RANBP17: variants seen among roughly 807,000 people sequenced by gnomAD.
RANBP17 encodes the protein RAN binding protein 17.
RANBP17 carries 158 observed loss-of-function variants against 141.2 expected under a neutral mutation model. The ratio of observed to expected loss-of-function variants is 1.12; its 90% CI spans 0.98 to 1.28. The LOEUF (loss-of-function observed/expected upper bound fraction) is 1.28, where lower values mean the gene tolerates loss of function less well. RANBP17 is among the 50% of genes most tolerant of loss of function. The probability of loss-of-function intolerance (pLI) is 0.00; values close to 1 mark genes in which losing one functional copy is unlikely to be tolerated. For synonymous variants in RANBP17, 430 were observed against 450.0 expected (o/e 0.96, Z 0.56); for missense variants, 1,438 against 1,290.7 (o/e 1.11, Z -1.75).
chr5:170,934,816 G>T (rs2127464162), intron 12 of RANBP17, among the ~76,000 whole-genome samples: 1 of 152,238 alleles, frequency 6.6e-6, no homozygotes, highest in Middle Eastern at 3.4e-3. Flanking sequence ...TATCTTTGTG[G>T]CATTCTCTGT....
At chr5:171,084,535 A>C (rs1332305594) in intron 14 of RANBP17, among the ~76,000 whole-genome samples, 1 of 58,434 alleles carries the variant, frequency 1.7e-5, no homozygotes, top group Non-Finnish European at 3.8e-5. Flanking sequence ...AGGAATCGCC[A>C]CACTGACTTG....
At chr5:171,062,243 T>G (rs992240493) in intron 14 of RANBP17, among the ~76,000 whole-genome samples, 1 of 152,218 alleles carries the variant, frequency 6.6e-6, no homozygotes, top group Non-Finnish European at 1.5e-5. Flanking sequence ...TGATGGAGTT[T>G]CTTCCTAGCC....
chr5:170,978,679 G>A (rs1334976041), intron 14 of RANBP17, among the ~76,000 whole-genome samples: 4 of 152,160 alleles, frequency 2.6e-5, no homozygotes. Context: ...GGTGATGGAA[G>A]TCAGAATGGT....
intron 4 of RANBP17, among the ~76,000 whole-genome samples, chr5:170,893,741 G>T (rs6882907): frequency 1 from 151,113 of 151,340 alleles, 75,443 homozygotes; most frequent in Middle Eastern, 1. Flanking sequence ...TGCAGTGAGC[G>T]GAGATTGCGC....
At chr5:170,984,845 A>G (rs1466099163) in intron 14 of RANBP17, among the ~76,000 whole-genome samples, 2 of 152,110 alleles carry the variant, frequency 1.3e-5, no homozygotes, top group African/African-American at 4.8e-5. Flanking sequence ...TATTGATAAC[A>G]ATTTTAAGTA....
chr5:171,133,947 T>C lies in RANBP17; in HGVS notation c.1711-36183T>C, dbSNP rs141525123. The stretch of plus-strand genomic sequence containing the variant: ...TGCCTTTATTTGCACATTTGGATCA[T>C]TTAATGAATTTTGTTCTATGAACAA... On this transcript the variant is annotated intron_variant, in intron 14 of 27. Transcript: ENST00000523189. Among the ~76,000 whole-genome samples, 255 of 152,348 alleles carry C rather than the reference T, an allele frequency of 1.7e-3. 1 individual carries two copies. Among genetic ancestry groups the C allele is most frequent in the Middle Eastern group, 0.01 (3 of 294 alleles).
intron 14 of RANBP17, among the ~76,000 whole-genome samples, chr5:171,038,482 A>G (rs938114958): frequency 6.6e-5 from 10 of 151,906 alleles, no homozygotes; most frequent in African/African-American, 2.4e-4. Flanking sequence ...TTCCAGTACT[A>G]TGTTGAATAG....
At chr5:170,862,685 C>G (rs2127293120) in intron 1 of RANBP17, among the ~76,000 whole-genome samples, 1 of 152,282 alleles carries the variant, frequency 6.6e-6, no homozygotes, top group South Asian at 2.1e-4. Flanking sequence ...GGCGCGGACG[C>G]GAGGATCGCA....
chr5:171,204,180 A>G (rs1288432446), intron 19 of RANBP17, among the ~76,000 whole-genome samples: 3 of 152,208 alleles, frequency 2.0e-5, no homozygotes, highest in Admixed American at 1.3e-4. Context: ...AGAAACAAAA[A>G]TTCAGAGTTT....
intron 14 of RANBP17, among the ~76,000 whole-genome samples, chr5:171,032,718 A>T (rs1781629785): frequency 6.6e-6 from 1 of 152,182 alleles, no homozygotes; most frequent in African/African-American, 2.4e-5. Flanking sequence ...CCATTAGCAC[A>T]GAGAAATTAC....
At chr5:170,977,423 G>C (rs1047416070) in intron 14 of RANBP17, among the ~76,000 whole-genome samples, 1 of 151,986 alleles carries the variant, frequency 6.6e-6, no homozygotes. Flanking sequence ...CAACCAATTT[G>C]AAAAACAGTC....
intron 14 of RANBP17, among the ~76,000 whole-genome samples, chr5:171,163,543 A>T (rs1294044176): frequency 6.6e-6 from 1 of 152,142 alleles, no homozygotes; most frequent in Non-Finnish European, 1.5e-5. Flanking sequence ...GAAGCCTAAA[A>T]CAAAAATATG....
intron 14 of RANBP17, among the ~76,000 whole-genome samples, chr5:171,123,801 C>T (rs1581685030): frequency 1.3e-5 from 2 of 152,346 alleles, no homozygotes; most frequent in East Asian, 3.9e-4. Flanking sequence ...TTGGCTACTG[C>T]ACCCACGCAG....
chr5:171,256,042 G>GCCTC (rs147913872), intron 24 of RANBP17, among the ~76,000 whole-genome samples: 32,134 of 152,008 alleles, frequency 0.21, 3,411 homozygotes, highest in East Asian at 0.28. Context: ...GGGTCTTGTG[G>GCCTC]TAACCATCGG....
chr5:170,893,452 G>A (rs1447874312), intron 4 of RANBP17, among the ~76,000 whole-genome samples: 1 of 151,958 alleles, frequency 6.6e-6, no homozygotes, highest in Non-Finnish European at 1.5e-5. Context: ...TCATACAAAC[G>A]TAATTCCCAA....
rs991086727 is a variant in RANBP17 at position 171,298,835 on chromosome 5, T to C, written c.3244T>C (p.Cys1082Arg). 2.5e-6 allele frequency: 4 copies of C among 1,614,044 alleles called. No homozygotes were observed. Among genetic ancestry groups the C allele is most frequent in the Non-Finnish European group, 3.4e-6 (4 of 1,180,006 alleles). Residue 1082 changes from cysteine to arginine, a missense_variant, in exon 28 of 28, where the codon TGC becomes CGC. Physicochemically the swap from Cys to Arg is radical, Grantham distance 180. Transcript: ENST00000523189. ...GCGCAGTGATGGCAACACTGAACCATGCAGTCTCGACATGATGAGCTGACC... is the reference window on the plus strand; with the variant it reads ...GCGCAGTGATGGCAACACTGAACCACGCAGTCTCGACATGATGAGCTGACC... ...ALRSDGNTEPCSLDMMS is the reference protein window; with the variant it reads ...ALRSDGNTEPRSLDMMS
intron 14 of RANBP17, among the ~76,000 whole-genome samples, chr5:171,000,713 A>G (rs1378851246): frequency 6.6e-6 from 1 of 152,074 alleles, no homozygotes; most frequent in Non-Finnish European, 1.5e-5. Flanking sequence ...ATTAGTTCTT[A>G]TAGGTTTTGG....
chr5:170,881,088 G>A (rs1488575714), intron 2 of RANBP17, among the ~76,000 whole-genome samples: 1 of 113,096 alleles, frequency 8.8e-6, no homozygotes, highest in African/African-American at 2.9e-5. Flanking sequence ...ATATTTTTCT[G>A]TCACAAAATA....
At position 170,957,025 on chromosome 5, in the gene RANBP17, G is replaced by A. The variant is rs377384946; in HGVS notation, c.1574+3323G>A. ...GCAGAGCTTGCAGTGAGCCGAGATC[G>A]TGCCACTGCACCCCAGCCTGGGCAA... On this transcript the variant is annotated intron_variant, in intron 13 of 27. Transcript: ENST00000523189. Among the ~76,000 whole-genome samples the A allele has an allele frequency of 4.6e-4, 69 of 150,946 alleles. 1 individual carries two copies. The South Asian group carries it at 0.012, about 27-fold the overall frequency.
Sources: gnomAD v4.1 joint callset for allele counts (sites outside exome capture counted in the v4.1 genomes callset) on GRCh38, gnomAD v4.1.1 for gene constraint, MANE v1.5 for transcripts, NCBI Gene and HGNC (gene_info 2026-07-23, HGNC 2026-07-21) for gene names.